PSMC1: variants seen among roughly 807,000 people sequenced by gnomAD.
PSMC1 encodes 26S proteasome regulatory subunit 4.
In PSMC1, 5 loss-of-function variants were observed where a neutral mutation model predicts 49.8. That is an observed-to-expected ratio of 0.10 (90% CI 0.05 to 0.21). The LOEUF is 0.21. PSMC1 is among the 10% of genes least tolerant of loss of function. The probability of loss-of-function intolerance (pLI) is 1.00; values close to 1 mark genes in which losing one functional copy is unlikely to be tolerated. For missense variants in PSMC1, 181 were observed against 535.7 expected, an observed-to-expected ratio of 0.34 and a Z score of 6.54; for synonymous variants, 155 against 192.1, an observed-to-expected ratio of 0.81 and a Z score of 1.60.
chr14:90,259,341 C>A, intron 2 of PSMC1, 128 bp downstream of exon 2: 1 of 767,274 alleles, frequency 1.3e-6, no homozygotes, highest in South Asian at 1.9e-5. Flanking sequence ...TTAAACTAGC[C>A]TGTCCTACAG....
intron 1 of PSMC1, among the ~76,000 whole-genome samples, chr14:90,257,083 C>T (rs949052347): frequency 2.6e-5 from 4 of 152,176 alleles, no homozygotes; most frequent in African/African-American, 9.6e-5. Flanking sequence ...TTGAAGGAGG[C>T]CTTAAAGACG....
Position 90,265,174 on chromosome 14 carries a change from C to G in PSMC1, c.691+8C>G. 1.0e-5 allele frequency: 16 copies of G among 1,590,870 alleles called. No homozygotes were observed. Among genetic ancestry groups the G allele is most frequent in the Non-Finnish European group, 1.4e-5 (16 of 1,162,620 alleles). The stretch of plus-strand genomic sequence containing the variant: ...ATGGTCCACCTGGCACAGGTATGCT[C>G]TGTTTTTGACACTTTCCAGGCACCC... On this transcript the variant is annotated splice_region_variant and intron_variant, in intron 7 of 10. Coordinates refer to ENST00000261303, the MANE Select transcript of PSMC1 (RefSeq NM_002802.3).
Position 90,256,625 on chromosome 14 carries a change from G to T in PSMC1, c.3+25G>T, listed in dbSNP as rs753368255. On this transcript the variant is annotated intron_variant, in intron 1 of 10. Transcript: ENST00000261303. ...GGTGAGTGACTAAGGGTTTCTTTCC[G>T]CTGGTCGTCGCGGTGCGATGGGGTC... The T allele has an allele frequency of 3.8e-6, 6 of 1,584,002 alleles. No individual in the cohort carries two copies. In the Admixed American group the frequency reaches 5.4e-5, roughly 14 times the overall value.
At chr14:90,260,042 G>GT in intron 2 of PSMC1, 73 bp from the exon 3 acceptor site, 1 of 885,928 alleles carries the variant, frequency 1.1e-6, no homozygotes, top group Middle Eastern at 3.6e-4. Context: ...AGATGATGGT[G>GT]GTACAGAAAT....
At chr14:90,265,419 A>C (rs1037318241) in intron 7 of PSMC1, among the ~76,000 whole-genome samples, 1 of 150,936 alleles carries the variant, frequency 6.6e-6, no homozygotes, top group Non-Finnish European at 1.5e-5. Flanking sequence ...GGCCGGGCGC[A>C]GTGGCTCACG....
intron 6 of PSMC1, 96 bp downstream of exon 6, chr14:90,264,265 T>C: frequency 6.6e-7 from 1 of 1,525,874 alleles, no homozygotes; most frequent in East Asian, 2.3e-5. Flanking sequence ...TGCTTATTTA[T>C]TAATCAAACC....
At chr14:90,259,066 A>G in intron 1 of PSMC1, 94 bp from the exon 2 acceptor site, 1 of 1,133,832 alleles carries the variant, frequency 8.8e-7, no homozygotes, top group Non-Finnish European at 1.2e-6. Flanking sequence ...TGTTACTCAC[A>G]GGACATGTTA....
chr14:90,270,494 C>A, intron 10 of PSMC1, 142 bp downstream of exon 10: 1 of 915,942 alleles, frequency 1.1e-6, no homozygotes, highest in Non-Finnish European at 1.6e-6. Flanking sequence ...CGATTACATC[C>A]AAATGGTATA....
In PSMC1 at chr14:90,268,269, C is replaced by T; in HGVS notation, c.737C>T (p.Thr246Ile). Residue 246 changes from threonine (T) to isoleucine (I), a missense_variant, in exon 8 of 11, where the codon ACT (threonine) becomes ATT (isoleucine). Around this residue, in one of 3 missense-constraint regions of PSMC1, gnomAD observed 121 missense variants for 358.6 expected, o/e 0.34. Coordinates refer to ENST00000261303, the MANE Select transcript of PSMC1 (RefSeq NM_002802.3). ...AKAVANQTSATFLRVVGSELI... is the reference protein window; with the variant it reads ...AKAVANQTSAIFLRVVGSELI... ...GCAGTAGCAAACCAAACCTCAGCCA[C>T]TTTCTTGAGAGTGGTTGGCTCTGAA... is the stretch of plus-strand genomic sequence containing the variant. The T allele has an allele frequency of 6.2e-7, 1 of 1,607,576 alleles. No homozygotes were observed. The highest frequency in any genetic ancestry group is 8.5e-7 in the Non-Finnish European group (1 of 1,177,180).
intron 7 of PSMC1, among the ~76,000 whole-genome samples, chr14:90,267,050 T>C (rs1891534872): frequency 6.6e-6 from 1 of 152,038 alleles, no homozygotes; most frequent in Non-Finnish European, 1.5e-5. Flanking sequence ...GTCAAGGTCC[T>C]CACTGACCAC....
chr14:90,258,704 T>C (rs1219219887), intron 1 of PSMC1, among the ~76,000 whole-genome samples: 2 of 152,188 alleles, frequency 1.3e-5, no homozygotes, highest in African/African-American at 4.8e-5. Flanking sequence ...GTGATCTAAG[T>C]AAGGGGTAAA....
intron 2 of PSMC1, 37 bp downstream of exon 2, chr14:90,259,250 T>C (rs1274589335): frequency 1.9e-6 from 3 of 1,599,832 alleles, no homozygotes; most frequent in Admixed American, 3.4e-5. Flanking sequence ...TATGAGCAAA[T>C]TGTGGAAAAT....
chr14:90,269,295 A>G, intron 8 of PSMC1, 102 bp from the exon 9 acceptor site: 1 of 1,015,788 alleles, frequency 9.8e-7, no homozygotes, highest in Non-Finnish European at 1.4e-6. Flanking sequence ...TGAAACAGGA[A>G]TGTTTGTTAA....
chr14:90,267,665 T>C (rs1373017777), intron 7 of PSMC1: 1 of 152,424 alleles, frequency 6.6e-6, no homozygotes, highest in East Asian at 1.9e-4. Flanking sequence ...GCTACTTTTC[T>C]GGAGCAGTAG....
chr14:90,264,746 C>T lies in PSMC1; in HGVS notation c.595-324C>T, dbSNP rs79325617. ...CAGCCATCAGGAAGTCTTTCCTAGT[C>T]CTATCTGTAGTTTAATTGAAAAGGG... On this transcript the variant is annotated intron_variant, in intron 6 of 10. Transcript: ENST00000261303. Among the ~76,000 whole-genome samples, 5 of 152,270 alleles carry T rather than the reference C, an allele frequency of 3.3e-5. No individual in the cohort carries two copies. The East Asian group carries it at 9.7e-4, about 29-fold the overall frequency.
intron 3 of PSMC1, among the ~76,000 whole-genome samples, chr14:90,260,593 G>A (rs1194034510): frequency 1.3e-5 from 2 of 152,176 alleles, no homozygotes; most frequent in African/African-American, 4.8e-5. Context: ...TTAGCTGGGC[G>A]TGGTGGCGGG....
intron 8 of PSMC1, 51 bp from the exon 9 acceptor site, chr14:90,269,346 G>C: frequency 1.3e-6 from 2 of 1,512,792 alleles, no homozygotes; most frequent in East Asian, 4.6e-5. Flanking sequence ...AATTCCCCTT[G>C]AGCAGGCGAT....
chr14:90,265,301 C>T, intron 7 of PSMC1, 135 bp downstream of exon 7: 1 of 551,198 alleles, frequency 1.8e-6, no homozygotes, highest in South Asian at 2.9e-5. Context: ...TCAACCTTGT[C>T]TGCATGTTGG....
chr14:90,266,706 C>T (rs575941488), intron 7 of PSMC1, among the ~76,000 whole-genome samples: 2 of 152,330 alleles, frequency 1.3e-5, no homozygotes, highest in East Asian at 3.9e-4. Context: ...GTTCAGTGAG[C>T]CCTCTGACCG....
Sources: gnomAD v4.1 joint callset for allele counts (sites outside exome capture counted in the v4.1 genomes callset) on GRCh38, gnomAD v4.1.1 for gene constraint, gnomAD v4.1.1 regional missense constraint, MANE v1.5 for transcripts, NCBI Gene and HGNC (gene_info 2026-07-23, HGNC 2026-07-21) for gene names.